CHN2: variants seen among roughly 807,000 people sequenced by gnomAD.
CHN2 encodes the protein chimerin 2.
In CHN2, 35 loss-of-function variants were observed where a neutral mutation model predicts 56.3. The observed-to-expected ratio is 0.62, with a 90% CI of 0.47 to 0.82. The LOEUF is 0.82. CHN2 is among the 40% of genes least tolerant of loss of function. The probability of loss-of-function intolerance (pLI) is 0.00; values close to 1 mark genes in which losing one functional copy is unlikely to be tolerated. For missense variants in CHN2, 491 were observed against 580.5 expected, an observed-to-expected ratio of 0.85 and a Z score of 1.58; for synonymous variants, 210 against 212.8, an observed-to-expected ratio of 0.99 and a Z score of 0.12.
At chr7:29,165,292 A>G (rs769720189) in intron 2 of CHN2, among the ~76,000 whole-genome samples, 17 of 152,160 alleles carry the variant, frequency 1.1e-4, no homozygotes, top group Admixed American at 3.9e-4. Context: ...ATTTTCTGCT[A>G]TTTTAAATGG....
chr7:29,503,493 G>C (rs780212152), intron 9 of CHN2, among the ~76,000 whole-genome samples: 7 of 152,168 alleles, frequency 4.6e-5, no homozygotes, highest in African/African-American at 7.2e-5. Flanking sequence ...CACAGGTTTC[G>C]TCTTGTGTGG....
At chr7:29,335,546 T>C (rs1796547471) in intron 1 of CHN2, among the ~76,000 whole-genome samples, 2 of 152,262 alleles carry the variant, frequency 1.3e-5, no homozygotes, top group South Asian at 4.1e-4. Context: ...CTGTTTTCTT[T>C]GCTTTTTCCT....
chr7:29,379,006 C>T (rs571840084), intron 3 of CHN2, among the ~76,000 whole-genome samples: 1 of 152,292 alleles, frequency 6.6e-6, no homozygotes, highest in African/African-American at 2.4e-5. Context: ...ATACATAAAG[C>T]ACTTAGAACA....
At chr7:29,398,738 G>A (rs563863030) in intron 5 of CHN2, among the ~76,000 whole-genome samples, 1 of 150,026 alleles carries the variant, frequency 6.7e-6, no homozygotes, top group African/African-American at 2.5e-5. Context: ...GGGACCACAG[G>A]CACACACCAC....
chr7:29,307,878 A>T (rs1794292425), intron 1 of CHN2, among the ~76,000 whole-genome samples: 11 of 152,184 alleles, frequency 7.2e-5, no homozygotes, highest in Admixed American at 7.2e-4. Context: ...TTTGAGCCTA[A>T]TGAGACCTAT....
chr7:29,345,215 A>G (rs1279937818), intron 1 of CHN2, among the ~76,000 whole-genome samples: 15 of 152,220 alleles, frequency 9.9e-5, no homozygotes, highest in Non-Finnish European at 1.5e-5. Flanking sequence ...CTAATTCACA[A>G]AAAGTACCCA....
intron 11 of CHN2, among the ~76,000 whole-genome samples, chr7:29,508,432 A>C (rs1287521133): frequency 2.0e-5 from 3 of 151,058 alleles, no homozygotes; most frequent in African/African-American, 4.9e-5. Context: ...AAAAAAAAAA[A>C]AACCTTTAAA....
In CHN2 at chr7:29,472,364, T is replaced by G. The variant is rs900330937; in HGVS notation, c.577-7915T>G. On this transcript the variant is annotated intron_variant, in intron 6 of 12. Coordinates refer to ENST00000222792, the MANE Select transcript of CHN2 (RefSeq NM_004067.4). Reference sequence around the variant, plus strand: ...ACCCTTAGTATACCACCAACCAACATTAAAAGTATTTTAGTGTGACCCACA... The same window carrying G: ...ACCCTTAGTATACCACCAACCAACAGTAAAAGTATTTTAGTGTGACCCACA... 2.2e-5 allele frequency among the ~76,000 whole-genome samples: 3 copies of G among 135,018 alleles called. No individual in the cohort carries two copies. In the East Asian group the frequency reaches 6.4e-4, roughly 29 times the overall value. The allele number at this position is 135,018 out of a possible 152,430, so 88.6% of individuals were successfully genotyped here. A position where few individuals can be genotyped will look rare whatever the true frequency, so the allele number is the denominator to read the frequency against.
At chr7:29,508,210 T>C (rs1790826566) in intron 11 of CHN2, among the ~76,000 whole-genome samples, 2 of 151,498 alleles carry the variant, frequency 1.3e-5, no homozygotes, top group African/African-American at 2.4e-5. Context: ...CAGCCCGGGG[T>C]TGCTCATTCA....
chr7:29,433,009 A>C (rs181414835), intron 6 of CHN2, among the ~76,000 whole-genome samples: 181 of 152,296 alleles, frequency 1.2e-3, no homozygotes, highest in African/African-American at 4.3e-3. Context: ...TACCAAAAAG[A>C]ATTCTTGCAC....
chr7:29,385,277 T>TA (rs200934753), intron 3 of CHN2, among the ~76,000 whole-genome samples: 77 of 152,130 alleles, frequency 5.1e-4, no homozygotes, highest in African/African-American at 1.5e-3. Context: ...CATTTTTGGT[T>TA]AAAAAAAATG....
At chr7:29,448,436 C>A (rs1296152884) in intron 6 of CHN2, among the ~76,000 whole-genome samples, 1 of 152,122 alleles carries the variant, frequency 6.6e-6, no homozygotes, top group Non-Finnish European at 1.5e-5. Context: ...CTAATTCTTT[C>A]TTTAGTTTTT....
intron 1 of CHN2, among the ~76,000 whole-genome samples, chr7:29,352,960 A>G (rs557778844): frequency 1.5e-4 from 23 of 152,344 alleles, no homozygotes; most frequent in Non-Finnish European, 2.9e-4. Context: ...CCTTGCTATT[A>G]TAAGACACTG....
At chr7:29,287,043 C>T (rs1420803631) in intron 1 of CHN2, among the ~76,000 whole-genome samples, 1 of 152,144 alleles carries the variant, frequency 6.6e-6, no homozygotes, top group African/African-American at 2.4e-5. Flanking sequence ...CCCTTTTCTT[C>T]TCCTGTATTT....
At chr7:29,220,474 A>T (rs189490889) in intron 1 of CHN2, among the ~76,000 whole-genome samples, 11 of 152,250 alleles carry the variant, frequency 7.2e-5, no homozygotes, top group African/African-American at 1.2e-4. Flanking sequence ...AAACAAGGGG[A>T]TCACCACTAT....
intron 1 of CHN2, among the ~76,000 whole-genome samples, chr7:29,294,683 C>T (rs1305587904): frequency 6.6e-6 from 1 of 152,182 alleles, no homozygotes; most frequent in Non-Finnish European, 1.5e-5. Flanking sequence ...GTCTTTGAGG[C>T]CTACTGTACA....
At chr7:29,378,799 A>C (rs1310668252) in intron 3 of CHN2, among the ~76,000 whole-genome samples, 1 of 152,166 alleles carries the variant, frequency 6.6e-6, no homozygotes, top group East Asian at 1.9e-4. Flanking sequence ...CCCCATCTTT[A>C]TTGAAAATAT....
chr7:29,501,076 C>G (rs972114714), intron 9 of CHN2, among the ~76,000 whole-genome samples: 2 of 151,598 alleles, frequency 1.3e-5, no homozygotes, highest in Non-Finnish European at 2.9e-5. Context: ...TCCTAATTGG[C>G]TTAATATATT....
At chr7:29,231,381 A>T (rs879387348) in intron 1 of CHN2, among the ~76,000 whole-genome samples, 1 of 152,124 alleles carries the variant, frequency 6.6e-6, no homozygotes, top group Non-Finnish European at 1.5e-5. Context: ...GAGGAGGAGG[A>T]TGTTCAATGG....
Sources: allele counts gnomAD v4.1 joint callset (sites outside exome capture counted in the v4.1 genomes callset), GRCh38; gene constraint gnomAD v4.1.1; transcripts MANE v1.5; gene names NCBI Gene and HGNC (gene_info 2026-07-23, HGNC 2026-07-21).